SLC24A3: variants seen among roughly 807,000 people sequenced by gnomAD.
SLC24A3 encodes sodium/potassium/calcium exchanger 3.
A neutral mutation model predicts 75.8 loss-of-function variants in SLC24A3; 28 were observed. The ratio of observed to expected loss-of-function variants is 0.37; its 90% CI spans 0.27 to 0.51. The LOEUF (loss-of-function observed/expected upper bound fraction) is 0.51, where lower values mean the gene tolerates loss of function less well. Ranked by LOEUF, SLC24A3 falls within the 20% of genes least tolerant of loss-of-function variation. SLC24A3 has a pLI of 0.94. For synonymous variants in SLC24A3, 372 were observed against 334.1 expected, an observed-to-expected ratio of 1.11 and a Z score of -1.24; for missense variants, 663 against 847.8, an observed-to-expected ratio of 0.78 and a Z score of 2.71.
At chr20:19,425,604 G>T (rs1343129153) in intron 2 of SLC24A3, among the ~76,000 whole-genome samples, 1 of 152,102 alleles carries the variant, frequency 6.6e-6, no homozygotes, top group African/African-American at 2.4e-5. Context: ...GTCCTAAGTT[G>T]TCCGCTTGAT....
At chr20:19,686,796 A>T (rs139297244) in intron 12 of SLC24A3, among the ~76,000 whole-genome samples, 306 of 152,272 alleles carry the variant, frequency 2.0e-3, no homozygotes, top group African/African-American at 6.9e-3. Flanking sequence ...GAAAATATTC[A>T]TCCAGATTCC....
At chr20:19,355,856 T>A (rs1285940471) in intron 2 of SLC24A3, among the ~76,000 whole-genome samples, 1 of 152,340 alleles carries the variant, frequency 6.6e-6, no homozygotes, top group Admixed American at 6.5e-5. Flanking sequence ...CTGCCGTTGA[T>A]GATAAAGTCA....
chr20:19,589,434 GTGGACCT>G (rs2031342251), intron 6 of SLC24A3, among the ~76,000 whole-genome samples: 1 of 152,198 alleles, frequency 6.6e-6, no homozygotes, highest in Admixed American at 6.5e-5. Flanking sequence ...CTCAGGCGGA[GTGGACCT>G]TGGGGCCCAG....
chr20:19,508,554 G>C (rs1316752183), intron 2 of SLC24A3, among the ~76,000 whole-genome samples: 1 of 151,978 alleles, frequency 6.6e-6, no homozygotes, highest in Non-Finnish European at 1.5e-5. Flanking sequence ...CCTCCGTTTA[G>C]ACTCATCAAA....
chr20:19,586,671 C>T (rs763482769), intron 6 of SLC24A3, among the ~76,000 whole-genome samples: 6 of 152,148 alleles, frequency 3.9e-5, no homozygotes, highest in African/African-American at 1.4e-4. Context: ...TTTTTACTTC[C>T]GTCATCTTCG....
At chr20:19,487,867 T>A (rs1988151049) in intron 2 of SLC24A3, among the ~76,000 whole-genome samples, 1 of 152,250 alleles carries the variant, frequency 6.6e-6, no homozygotes. Flanking sequence ...ATGAGGCTTC[T>A]TTATGATTAG....
chr20:19,396,611 C>A (rs1986458279), intron 2 of SLC24A3, among the ~76,000 whole-genome samples: 1 of 152,172 alleles, frequency 6.6e-6, no homozygotes, highest in East Asian at 1.9e-4. Context: ...TAAATAATAG[C>A]CACACATTGT....
intron 15 of SLC24A3, among the ~76,000 whole-genome samples, chr20:19,705,997 T>A (rs2122158048): frequency 6.6e-6 from 1 of 152,264 alleles, no homozygotes; most frequent in East Asian, 1.9e-4. Flanking sequence ...GCTGAGAAAG[T>A]CACCATGCAG....
chr20:19,331,484 TGATATA>T (rs899839490), intron 2 of SLC24A3, among the ~76,000 whole-genome samples: 18 of 152,046 alleles, frequency 1.2e-4, no homozygotes, highest in African/African-American at 4.1e-4. Flanking sequence ...GAGATAGAAA[TGATATA>T]GATAGATAAA....
At chr20:19,674,511 C>G (rs2032502224) in intron 9 of SLC24A3, among the ~76,000 whole-genome samples, 1 of 152,126 alleles carries the variant, frequency 6.6e-6, no homozygotes, top group African/African-American at 2.4e-5. Context: ...GTGGCTTCCT[C>G]CAGAGCAAGT....
At chr20:19,592,789 C>CTTT (rs1319331356) in intron 6 of SLC24A3, among the ~76,000 whole-genome samples, 6 of 60,716 alleles carry the variant, frequency 9.9e-5, no homozygotes, top group African/African-American at 2.6e-4. Context: ...AATTTTCTTT[C>CTTT]TTTCTTTCTT....
Position 19,314,850 on chromosome 20 carries a change from C to A in SLC24A3, c.271+33763C>A, listed in dbSNP as rs551359328. Among the ~76,000 whole-genome samples, 6 of 152,350 alleles carry A rather than the reference C, an allele frequency of 3.9e-5. No individual in the cohort carries two copies. In the South Asian group the frequency reaches 6.2e-4, roughly 16 times the overall value. On this transcript the variant is annotated intron_variant, in intron 2 of 16. Coordinates refer to ENST00000328041, the MANE Select transcript of SLC24A3 (RefSeq NM_020689.4). ...TGTCGGTGTGTCTGGACATGAGTTA[C>A]CGACTGTGGGCAGGAAGTCTGACGT... is the stretch of plus-strand genomic sequence containing the variant.
At chr20:19,475,411 G>T (rs1987946607) in intron 2 of SLC24A3, among the ~76,000 whole-genome samples, 1 of 151,866 alleles carries the variant, frequency 6.6e-6, no homozygotes, top group South Asian at 2.1e-4. Flanking sequence ...GTTTTAAAGG[G>T]CCCAATGGAT....
intron 2 of SLC24A3, among the ~76,000 whole-genome samples, chr20:19,515,070 A>G (rs1245324909): frequency 6.6e-6 from 1 of 152,256 alleles, no homozygotes; most frequent in Non-Finnish European, 1.5e-5. Flanking sequence ...AGCAAAGTAC[A>G]TAAGGTTACA....
At chr20:19,540,159 T>C (rs2030470246) in intron 3 of SLC24A3, among the ~76,000 whole-genome samples, 1 of 152,140 alleles carries the variant, frequency 6.6e-6, no homozygotes, top group Admixed American at 6.5e-5. Context: ...TTCAAAGTAC[T>C]CAGCATACCA....
intron 2 of SLC24A3, among the ~76,000 whole-genome samples, chr20:19,378,922 G>A (rs1169632969): frequency 1.3e-5 from 2 of 148,736 alleles, no homozygotes; most frequent in African/African-American, 2.5e-5. Flanking sequence ...AAAAAAAAAA[G>A]GATGCAGTGG....
At chr20:19,422,874 C>A (rs1047856739) in intron 2 of SLC24A3, among the ~76,000 whole-genome samples, 1 of 152,182 alleles carries the variant, frequency 6.6e-6, no homozygotes, top group African/African-American at 2.4e-5. Context: ...TGAGTGAGCC[C>A]TTTTGCCTGC....
intron 9 of SLC24A3, among the ~76,000 whole-genome samples, chr20:19,680,190 A>C (rs973610465): frequency 1.6e-5 from 2 of 123,712 alleles, no homozygotes; most frequent in Non-Finnish European, 1.7e-5. Context: ...CTGTATGTGC[A>C]TGTGTGTGTG....
chr20:19,274,906 G>A (rs1983438385), intron 1 of SLC24A3, among the ~76,000 whole-genome samples: 1 of 152,218 alleles, frequency 6.6e-6, no homozygotes, highest in Non-Finnish European at 1.5e-5. Context: ...CCTTAGTGAG[G>A]AGCACCAAAC....
Sources: gnomAD v4.1 joint callset for allele counts (sites outside exome capture counted in the v4.1 genomes callset) on GRCh38, gnomAD v4.1.1 for gene constraint, MANE v1.5 for transcripts, NCBI Gene and HGNC (gene_info 2026-07-23, HGNC 2026-07-21) for gene names.